HMGCL: variants seen among roughly 807,000 people sequenced by gnomAD.
The protein encoded by HMGCL is 3-hydroxy-3-methylglutaryl-CoA lyase.
Under a neutral mutation model 37.3 loss-of-function variants are expected in HMGCL, and 26 were observed. The observed-to-expected ratio is 0.70, with a 90% CI of 0.51 to 0.97. The LOEUF is 0.97. Among genes scored for constraint, HMGCL ranks in the 50% least tolerant of loss-of-function variants. HMGCL has a pLI of 0.00. For missense variants in HMGCL, 379 were observed against 398.1 expected, an observed-to-expected ratio of 0.95 and a Z score of 0.41; for synonymous variants, 151 against 148.0, an observed-to-expected ratio of 1.02 and a Z score of -0.15.
At chr1:23,815,230 C>T (rs1638591579) in intron 4 of HMGCL, among the ~76,000 whole-genome samples, 1 of 151,606 alleles carries the variant, frequency 6.6e-6, no homozygotes, top group Non-Finnish European at 1.5e-5. Context: ...CAAAAGATGG[C>T]CAAGTGAAGA....
At chr1:23,811,782 T>A (rs577629555) in intron 5 of HMGCL, among the ~76,000 whole-genome samples, 1 of 152,208 alleles carries the variant, frequency 6.6e-6, no homozygotes, top group Non-Finnish European at 1.5e-5. Context: ...GGATTTGGGA[T>A]GTAGGTGACT....
chr1:23,807,291 A>C (rs759554562), intron 7 of HMGCL: 2 of 516,406 alleles, frequency 3.9e-6, no homozygotes, highest in South Asian at 1.4e-5. Context: ...GTAAGCTGAA[A>C]AATGAGGAGA....
chr1:23,802,618 G>T, intron 8 of HMGCL, 54 bp from the exon 9 acceptor site: 2 of 1,111,270 alleles, frequency 1.8e-6, no homozygotes, highest in Admixed American at 1.7e-5. Flanking sequence ...CTCAACACCA[G>T]GGAAAACATC....
At chr1:23,803,712 G>C (rs900694289) in intron 8 of HMGCL, 1 of 152,346 alleles carries the variant, frequency 6.6e-6, no homozygotes, top group Non-Finnish European at 1.5e-5. Context: ...GGTTCAGAGA[G>C]ATGAAATAAT....
chr1:23,817,769 TA>T (rs1638638399), intron 2 of HMGCL, among the ~76,000 whole-genome samples, 186 bp from the exon 3 acceptor site: 1 of 152,244 alleles, frequency 6.6e-6, no homozygotes, highest in Non-Finnish European at 1.5e-5. Flanking sequence ...AAATGTGTGT[TA>T]ATTTATAATC....
chr1:23,807,117 T>C (rs1184782584), intron 7 of HMGCL: 4 of 518,954 alleles, frequency 7.7e-6, no homozygotes, highest in Non-Finnish European at 1.5e-5. Context: ...AGGAGTGTCC[T>C]GAGCGTGATC....
At chr1:23,804,365 C>A in intron 8 of HMGCL, 35 bp downstream of exon 8, 2 of 1,613,832 alleles carry the variant, frequency 1.2e-6, no homozygotes, top group Non-Finnish European at 1.7e-6. Flanking sequence ...CTGGTCAGTT[C>A]GGGGCTGTCG....
At chr1:23,819,313 C>T (rs1557492983) in intron 2 of HMGCL, among the ~76,000 whole-genome samples, 1 of 152,168 alleles carries the variant, frequency 6.6e-6, no homozygotes, top group South Asian at 2.1e-4. Flanking sequence ...TAGTGGCCAC[C>T]ACATGGAAAA....
intron 8 of HMGCL, among the ~76,000 whole-genome samples, chr1:23,802,902 T>C (rs1570640860): frequency 6.6e-6 from 1 of 152,296 alleles, no homozygotes. Context: ...CAAGTGACAA[T>C]TGTGAGGCAG....
rs1474856963 is a variant in HMGCL at position 23,806,915 on chromosome 1, G to A, written c.750+1220C>T. On this transcript the variant is annotated intron_variant, in intron 7 of 8. Coordinates refer to ENST00000374490, the MANE Select transcript of HMGCL (RefSeq NM_000191.3). The surrounding 1 kb of genome is among the most constrained non-coding windows in gnomAD (Gnocchi z 4.0). ...CATGAGCTCCCAGAGGGCAGGGATT[G>A]GGTCTTGTTACCATTGTCTAAGTCA... 3 of 515,444 alleles carry A rather than the reference G, an allele frequency of 5.8e-6. No individual in the cohort carries two copies. Among genetic ancestry groups the A allele is most frequent in the South Asian group, 4.2e-5 (3 of 71,232 alleles). 31.9% of individuals were successfully genotyped at this position (515,444 alleles called of 1,614,324 possible).
rs1035212301 is a variant in HMGCL at position 23,802,090 on chromosome 1, G to C, written c.*373C>G. 13 of 520,796 alleles carry C rather than the reference G, an allele frequency of 2.5e-5. No individual in the cohort carries two copies. Among genetic ancestry groups the C allele is most frequent in the East Asian group, 5.8e-5 (2 of 34,476 alleles). The allele number at this position is 520,796 out of a possible 1,614,324, so 32.3% of individuals were successfully genotyped here. A position where few individuals can be genotyped will look rare whatever the true frequency, so the allele number is the denominator to read the frequency against. ...GCAAGGGCCCCACGGCCATGGCAGG[G>C]TGGAGCCGTGTAGAGGGTGGCCAGG... is the stretch of plus-strand genomic sequence containing the variant. On this transcript the variant is annotated 3_prime_UTR_variant, in exon 9 of 9. Transcript: ENST00000374490.
rs1356416768 is a variant in HMGCL, at chr1:23,806,029, G to A, written c.751-1504C>T. Among the ~76,000 whole-genome samples, 1 of 151,716 alleles carries A rather than the reference G, an allele frequency of 6.6e-6. No homozygotes were observed. The highest frequency in any genetic ancestry group is 2.4e-5 in the African/African-American group (1 of 41,282). ...CCATCTCAGCTCACTGCAAATCACT[G>A]CAACCTCCACCTCCCGGGCTCAAGT... On this transcript the variant is annotated intron_variant, in intron 7 of 8. Transcript: ENST00000374490. The surrounding 1 kb of genome is among the most constrained non-coding windows in gnomAD (Gnocchi z 4.0).
rs377472491 is a variant in HMGCL, at chr1:23,818,387, G to A, written c.145-804C>T. Among the ~76,000 whole-genome samples the A allele has an allele frequency of 2.5e-4, 38 of 152,230 alleles. No homozygotes were observed. In the East Asian group the frequency reaches 4.5e-3, roughly 18 times the overall value. On this transcript the variant is annotated intron_variant, in intron 2 of 8. Transcript: ENST00000374490. ...GTGGATCACTGGAGCCTGGGAAGTC[G>A]AGGCTGCAGTGAGCAATGATTGTGC...
At chr1:23,810,638 G>A (rs1638502414) in intron 6 of HMGCL, 98 bp downstream of exon 6, 1 of 994,162 alleles carries the variant, frequency 1.0e-6, no homozygotes, top group African/African-American at 1.6e-5. Flanking sequence ...ATGAAGTCAG[G>A]AACCTGCCAG....
intron 1 of HMGCL, among the ~76,000 whole-genome samples, chr1:23,823,774 G>A (rs778467163): frequency 3.3e-5 from 5 of 152,006 alleles, no homozygotes; most frequent in Admixed American, 1.3e-4. Flanking sequence ...CAGAAGAATC[G>A]CTTGAACCTG....
chr1:23,816,909 A>G, intron 3 of HMGCL, 139 bp from the exon 4 acceptor site: 1 of 716,430 alleles, frequency 1.4e-6, no homozygotes, highest in South Asian at 1.4e-5. Context: ...GAGTCTCTCC[A>G]ATACTTTTAC....
rs2148424217 is a variant in HMGCL, at chr1:23,817,550, T to C, written c.178A>G (p.Ile60Val). The C allele has an allele frequency of 6.2e-7, 1 of 1,613,268 alleles. No homozygotes were observed. ...AGTCCTGCTTCAGAAAGCATGTCTA[T>C]CAGCTTGATTTTCACTGGAGTAGAT... is the stretch of plus-strand genomic sequence containing the variant. ...IVSTPVKIKL[I>V]DMLSEAGLSV... is the part of the protein sequence containing the mutation. Residue 60 changes from isoleucine (I) to valine (V), a missense_variant, in exon 3 of 9, where the codon ATA becomes GTA. By Grantham distance (29) the Ile-to-Val change is conservative. Transcript: ENST00000374490.
At chr1:23,824,388 C>G (rs1333249863) in intron 1 of HMGCL, among the ~76,000 whole-genome samples, 1 of 152,200 alleles carries the variant, frequency 6.6e-6, no homozygotes, top group Admixed American at 6.6e-5. Context: ...CCAAATATTT[C>G]TTAAAAGCTT....
intron 2 of HMGCL, among the ~76,000 whole-genome samples, chr1:23,820,169 A>G (rs533648659): frequency 9.2e-4 from 140 of 152,202 alleles, no homozygotes; most frequent in Non-Finnish European, 1.7e-3. Flanking sequence ...CTGTTGCACC[A>G]CCATTCAGTT....
Sources: gnomAD v4.1 joint callset for allele counts (sites outside exome capture counted in the v4.1 genomes callset) on GRCh38, gnomAD v4.1.1 for gene constraint, Gnocchi (gnomAD v3.1) non-coding constraint, MANE v1.5 for transcripts, NCBI Gene and HGNC (gene_info 2026-07-23, HGNC 2026-07-21) for gene names.